Variants in EMP2 observed in about 807,000 individuals in gnomAD.
EMP2 encodes epithelial membrane protein 2.
EMP2 carries 19 observed loss-of-function variants against 13.7 expected under a neutral mutation model. The ratio of observed to expected loss-of-function variants is 1.38; its 90% CI spans 0.97 to 2.03. EMP2 has a LOEUF of 2.03. EMP2 is among the 30% of genes most tolerant of loss of function. The pLI is 0.00. For synonymous variants in EMP2, 97 were observed against 84.7 expected, an observed-to-expected ratio of 1.15 and a Z score of -0.80; for missense variants, 253 against 220.7, an observed-to-expected ratio of 1.15 and a Z score of -0.93.
intron 4 of EMP2, among the ~76,000 whole-genome samples, chr16:10,537,065 G>A (rs2050652821): frequency 1.3e-5 from 2 of 152,098 alleles, no homozygotes; most frequent in Non-Finnish European, 2.9e-5. Context: ...TAGTTAGAGT[G>A]GTTAGGGCCA....
rs2050611260 is a variant in EMP2 at position 10,532,476 on chromosome 16, A to C, written c.*429T>G. The C allele has an allele frequency of 6.6e-6, 1 of 152,374 alleles. No individual in the cohort carries two copies. The highest frequency in any genetic ancestry group is 2.4e-5 in the African/African-American group (1 of 41,344). 9.4% of individuals were successfully genotyped at this position (152,374 alleles called of 1,614,324 possible). Reference sequence around the variant, plus strand: ...CCCACCTCACCCTCTTCCACCCACCACTAGCAGAGAGATTCGGGAGGGGCT... The same window carrying C: ...CCCACCTCACCCTCTTCCACCCACCCCTAGCAGAGAGATTCGGGAGGGGCT... On this transcript the variant is annotated 3_prime_UTR_variant, in exon 5 of 5. Transcript: ENST00000359543.
At chr16:10,569,575 C>A (rs1433599304) in intron 1 of EMP2, among the ~76,000 whole-genome samples, 2 of 152,166 alleles carry the variant, frequency 1.3e-5, no homozygotes, top group Non-Finnish European at 2.9e-5. Context: ...TCACCTCAAC[C>A]TCCCAAAGTG....
In EMP2 at chr16:10,533,086, C is replaced by T; in HGVS notation, c.323G>A (p.Cys108Tyr). The T allele has an allele frequency of 4.5e-6, 7 of 1,571,328 alleles. No individual in the cohort carries two copies. Among genetic ancestry groups the T allele is most frequent in the Non-Finnish European group, 6.1e-6 (7 of 1,155,132 alleles). Reference protein sequence around the residue: ...TSIIQLMSCLCVMIAASIYTD... With the variant: ...TSIIQLMSCLYVMIAASIYTD... ...ATAAATGGAGGCCGCAATCATGACA[C>T]ACAGACCTGTCAGGAAGAAAGGTGA... The change falls in exon 5 of 5, where the codon TGT becomes TAT. Residue 108 changes from cysteine to tyrosine, a missense_variant. Transcript: ENST00000359543.
chr16:10,531,086 C>G lies in EMP2; in HGVS notation c.*1819G>C, dbSNP rs1412522032. 1 of 152,190 alleles carries G rather than the reference C, an allele frequency of 6.6e-6. No individual in the cohort carries two copies. The highest frequency in any genetic ancestry group is 1.5e-5 in the Non-Finnish European group (1 of 68,088). The allele number at this position is 152,190 out of a possible 1,614,324, so 9.4% of individuals were successfully genotyped here. ...TCCCAGTTTCAAGCGATTCTCCTGC[C>G]TCAGCCTCCTAAGTAGCTGGGATTA... On this transcript the variant is annotated 3_prime_UTR_variant, in exon 5 of 5. Coordinates refer to ENST00000359543, the MANE Select transcript of EMP2 (RefSeq NM_001424.6).
chr16:10,575,237 C>CTTTTTTTTT lies in EMP2; in HGVS notation c.-61+5303_-61+5311dup, dbSNP rs761837614. Among the ~76,000 whole-genome samples, 313 of 52,478 alleles carry CTTTTTTTTT rather than the reference C, an allele frequency of 6.0e-3. 62 individuals are homozygous for CTTTTTTTTT. Among genetic ancestry groups the CTTTTTTTTT allele is most frequent in the East Asian group, 0.014 (21 of 1,456 alleles). The allele number at this position is 52,478 out of a possible 152,430, so 34.4% of individuals were successfully genotyped here. ...TGGCCTTGGTCCTGGAGCTTGCATT[C>CTTTTTTTTT]TTTTTTTTTTTTTTTTTTTTTTTTT... On this transcript the variant is annotated intron_variant, in intron 1 of 4. Coordinates refer to ENST00000359543, the MANE Select transcript of EMP2 (RefSeq NM_001424.6).
chr16:10,571,424 T>C (rs1169162508), intron 1 of EMP2, among the ~76,000 whole-genome samples: 1 of 152,096 alleles, frequency 6.6e-6, no homozygotes, highest in Admixed American at 6.5e-5. Flanking sequence ...CCCTGGCCCC[T>C]GCCTCCAGAG....
chr16:10,560,834 G>C (rs2050866262), intron 1 of EMP2, among the ~76,000 whole-genome samples: 1 of 152,182 alleles, frequency 6.6e-6, no homozygotes, highest in South Asian at 2.1e-4. Context: ...ACTTAGGAGA[G>C]CACGTTCCGG....
intron 1 of EMP2, 46 bp from the exon 2 acceptor site, chr16:10,547,723 A>G: frequency 9.0e-7 from 1 of 1,116,140 alleles, no homozygotes; most frequent in Non-Finnish European, 1.3e-6. Flanking sequence ...CAATGACAAA[A>G]CAAAATTACA....
intron 3 of EMP2, among the ~76,000 whole-genome samples, chr16:10,538,353 A>C (rs2050667256): frequency 6.6e-6 from 1 of 152,208 alleles, no homozygotes; most frequent in Non-Finnish European, 1.5e-5. Flanking sequence ...TCTGGGTCAC[A>C]GACCCCACAT....
At chr16:10,540,532 A>AAATAAATAAATAAATAAATAAAT (rs978921998) in intron 3 of EMP2, among the ~76,000 whole-genome samples, 4 of 151,744 alleles carry the variant, frequency 2.6e-5, no homozygotes, top group Non-Finnish European at 1.5e-5. Context: ...ATAAACAAAT[A>AAATAAATAAATAAATAAATAAAT]AATAAATAGA....
In EMP2 at chr16:10,563,637, C is replaced by T. The variant is rs192493863; in HGVS notation, c.-60-15960G>A. ...GGAAACCAGGACCCCACCTGGTTAACGTGGAAGTTAACATAGGAAGGGGTC... is the reference window on the plus strand; with the variant it reads ...GGAAACCAGGACCCCACCTGGTTAATGTGGAAGTTAACATAGGAAGGGGTC... On this transcript the variant is annotated intron_variant, in intron 1 of 4. Coordinates refer to ENST00000359543, the MANE Select transcript of EMP2 (RefSeq NM_001424.6). Among the ~76,000 whole-genome samples the T allele has an allele frequency of 8.5e-5, 13 of 152,256 alleles. No homozygotes were observed. The East Asian group carries it at 1.4e-3, about 16-fold the overall frequency.
chr16:10,567,995 C>A (rs1567209998), intron 1 of EMP2, among the ~76,000 whole-genome samples: 1 of 152,208 alleles, frequency 6.6e-6, no homozygotes, highest in Non-Finnish European at 1.5e-5. Context: ...GTGGAACACT[C>A]ATACCCTTCA....
At chr16:10,547,714 A>T in intron 1 of EMP2, 37 bp from the exon 2 acceptor site, 1 of 1,243,952 alleles carries the variant, frequency 8.0e-7, no homozygotes, top group Non-Finnish European at 1.1e-6. Context: ...AAAATCTGTC[A>T]ATGACAAAAC....
chr16:10,550,717 G>A (rs1381659857), intron 1 of EMP2, among the ~76,000 whole-genome samples: 1 of 152,174 alleles, frequency 6.6e-6, no homozygotes, highest in Non-Finnish European at 1.5e-5. Context: ...CCTCATGCTT[G>A]TAATCCCGGC....
intron 1 of EMP2, among the ~76,000 whole-genome samples, chr16:10,556,156 C>T (rs1182776276): frequency 6.6e-6 from 1 of 152,170 alleles, no homozygotes; most frequent in East Asian, 1.9e-4. Flanking sequence ...TATGATTGCA[C>T]TTTTCCTTGA....
chr16:10,540,857 G>T (rs770279454), intron 3 of EMP2, among the ~76,000 whole-genome samples: 4 of 152,174 alleles, frequency 2.6e-5, no homozygotes, highest in Non-Finnish European at 4.4e-5. Context: ...AGTGGGTGAA[G>T]TGGGAGAATC....
intron 3 of EMP2, among the ~76,000 whole-genome samples, chr16:10,539,476 C>T (rs1044970626): frequency 3.3e-5 from 5 of 152,132 alleles, no homozygotes; most frequent in Admixed American, 2.6e-4. Flanking sequence ...ACCCCATTCC[C>T]ATGAGGCCCA....
At chr16:10,575,837 A>G (rs550716231) in intron 1 of EMP2, among the ~76,000 whole-genome samples, 1 of 151,648 alleles carries the variant, frequency 6.6e-6, no homozygotes, top group African/African-American at 2.4e-5. Flanking sequence ...AGATGAAGGG[A>G]CTCCCCTGGA....
At chr16:10,538,515 T>C (rs1266996782) in intron 3 of EMP2, among the ~76,000 whole-genome samples, 1 of 152,150 alleles carries the variant, frequency 6.6e-6, no homozygotes, top group African/African-American at 2.4e-5. Flanking sequence ...TGTGACCTTG[T>C]GAGGTGCTCT....
Sources: allele counts gnomAD v4.1 joint callset (sites outside exome capture counted in the v4.1 genomes callset), GRCh38; gene constraint gnomAD v4.1.1; transcripts MANE v1.5; gene names NCBI Gene and HGNC (gene_info 2026-07-23, HGNC 2026-07-21).